The following RFXANK variants were observed in gnomAD, a reference collection of about 807,000 sequenced individuals.
RFXANK encodes regulatory factor X associated ankyrin containing protein, also known as DNA-binding protein RFXANK.
RFXANK carries 19 observed loss-of-function variants against 34.5 expected under a neutral mutation model. That is an observed-to-expected ratio of 0.55 (90% CI 0.38 to 0.81). The LOEUF is 0.81. RFXANK is among the 30% of genes least tolerant of loss of function. The pLI is 0.00. For missense variants in RFXANK, 295 were observed against 343.5 expected (o/e 0.86, Z 1.12); for synonymous variants, 154 against 149.8 (o/e 1.03, Z -0.20).
rs773172279 is a variant in RFXANK at position 19,199,266 on chromosome 19, G to C, written c.712+32G>C. On this transcript the variant is annotated intron_variant, in intron 9 of 9. Coordinates refer to ENST00000303088, the MANE Select transcript of RFXANK (RefSeq NM_003721.4). ...CTGAGACACACAGAGCAGGGGTGGG[G>C]TCCCTTCCATAGGCAGGGTGACCAT... 1.9e-6 allele frequency: 3 copies of C among 1,607,150 alleles called. No homozygotes were observed. The South Asian group carries it at 3.3e-5, about 18-fold the overall frequency.
chr19:19,199,989 C>CG (rs1475223964), intron 9 of RFXANK, among the ~76,000 whole-genome samples: 2 of 151,926 alleles, frequency 1.3e-5, no homozygotes, highest in Non-Finnish European at 2.9e-5. Context: ...CTCATGTTTT[C>CG]GGGGGGTTTG....
At chr19:19,198,850 C>T (rs1349312308) in intron 8 of RFXANK, 127 bp downstream of exon 8, 2 of 977,528 alleles carry the variant, frequency 2.0e-6, no homozygotes, top group South Asian at 2.6e-5. Context: ...CCTGCCTGCT[C>T]TTCTCGGAGG....
intron 9 of RFXANK, among the ~76,000 whole-genome samples, chr19:19,201,257 T>G (rs1013241067): frequency 6.6e-6 from 1 of 152,164 alleles, no homozygotes; most frequent in African/African-American, 2.4e-5. Context: ...TAAATTTTTT[T>G]GGTAGAGACA....
chr19:19,197,700 G>A, intron 6 of RFXANK, 79 bp downstream of exon 6: 1 of 1,319,974 alleles, frequency 7.6e-7, no homozygotes, highest in Non-Finnish European at 1.1e-6. Flanking sequence ...GTGTCTGCTG[G>A]CGCCTTGTCT....
intron 9 of RFXANK, among the ~76,000 whole-genome samples, chr19:19,200,476 GTGT>G (rs549623416): frequency 2.6e-5 from 4 of 151,380 alleles, no homozygotes; most frequent in South Asian, 2.1e-4. Flanking sequence ...ACGCCTGGCT[GTGT>G]TGTTGTTTTT....
In RFXANK at chr19:19,197,049, G is replaced by C; in HGVS notation, c.271+3G>C. 1 of 1,613,596 alleles carries C rather than the reference G, an allele frequency of 6.2e-7. No homozygotes were observed. Among genetic ancestry groups the C allele is most frequent in the South Asian group, 1.1e-5 (1 of 91,082 alleles). On this transcript the variant is annotated splice_donor_region_variant and intron_variant, in intron 4 of 9. Transcript: ENST00000303088. ...AGCTCTGCCGGCCACCCTAGACTGT[G>C]AGTGGGCCCACGGTCCCCAACAAGG...
chr19:19,201,681 C>G lies in RFXANK; in HGVS notation c.745C>G (p.Leu249Val), dbSNP rs377064458. The change falls in exon 10 of 10, where the codon CTC becomes GTC. Residue 249 changes from leucine (L) to valine (V), a missense_variant. Coordinates refer to ENST00000303088, the MANE Select transcript of RFXANK (RefSeq NM_003721.4). ...QQVIENHILK[L>V]FQSNLVPADP... ...GGTGATCGAGAACCACATCCTCAAG[C>G]TCTTCCAGAGCAACCTGGTGCCCGC... 2.4e-5 allele frequency: 38 copies of G among 1,614,042 alleles called. No individual in the cohort carries two copies. In the African/African-American group the frequency reaches 5.1e-4, roughly 22 times the overall value.
At chr19:19,200,175 C>CTTTTT (rs978912398) in intron 9 of RFXANK, among the ~76,000 whole-genome samples, 2 of 120,408 alleles carry the variant, frequency 1.7e-5, no homozygotes, top group African/African-American at 3.1e-5. Context: ...TTTGTTGTTG[C>CTTTTT]TTTTTTTTTT....
chr19:19,194,526 G>T (rs1056886614), intron 3 of RFXANK, among the ~76,000 whole-genome samples: 1 of 152,136 alleles, frequency 6.6e-6, no homozygotes, highest in African/African-American at 2.4e-5. Flanking sequence ...ATGAGCCACT[G>T]TGCCCGGCCT....
intron 9 of RFXANK, 31 bp from the exon 10 acceptor site, chr19:19,201,618 C>A: frequency 1.9e-6 from 3 of 1,613,898 alleles, no homozygotes; most frequent in Non-Finnish European, 2.5e-6. Context: ...GATTCAAGCT[C>A]ACAGCCCACC....
At position 19,200,418 on chromosome 19, in the gene RFXANK, C is replaced by T. The variant is rs986437315; in HGVS notation, c.712+1184C>T. Reference sequence around the variant, plus strand: ...GTCTTGAACTCCTGACCTTGTGATCCGCCTGTGTTGGCCTCCCAAAGTGCT... The same window carrying T: ...GTCTTGAACTCCTGACCTTGTGATCTGCCTGTGTTGGCCTCCCAAAGTGCT... On this transcript the variant is annotated intron_variant, in intron 9 of 9. Coordinates refer to ENST00000303088, the MANE Select transcript of RFXANK (RefSeq NM_003721.4). 9.2e-5 allele frequency among the ~76,000 whole-genome samples: 14 copies of T among 151,948 alleles called. No homozygotes were observed. In the South Asian group the frequency reaches 1.5e-3, roughly 16 times the overall value.
chr19:19,198,012 C>CG, intron 6 of RFXANK, 95 bp from the exon 7 acceptor site: 1 of 1,363,162 alleles, frequency 7.3e-7, no homozygotes, highest in East Asian at 2.5e-5. Flanking sequence ...ACTCTATCTC[C>CG]AAAAAAAAAA....
intron 9 of RFXANK, among the ~76,000 whole-genome samples, chr19:19,200,423 G>C (rs989380225): frequency 1.3e-5 from 2 of 151,970 alleles, no homozygotes; most frequent in African/African-American, 4.8e-5. Flanking sequence ...TGATCCGCCT[G>C]TGTTGGCCTC....
chr19:19,200,033 C>G (rs1393553123), intron 9 of RFXANK, among the ~76,000 whole-genome samples: 2 of 152,128 alleles, frequency 1.3e-5, no homozygotes, highest in Non-Finnish European at 2.9e-5. Context: ...CTTGCTCTAT[C>G]ACCCAGGCTG....
At position 19,192,306 on chromosome 19, in the gene RFXANK, C is replaced by G. The variant is rs1285038293; in HGVS notation, c.-398C>G. 4 of 734,036 alleles carry G rather than the reference C, an allele frequency of 5.4e-6. No individual in the cohort carries two copies. Among genetic ancestry groups the G allele is most frequent in the East Asian group, 5.6e-5 (2 of 35,684 alleles). The allele number at this position is 734,036 out of a possible 1,614,324, so 45.5% of individuals were successfully genotyped here. On this transcript the variant is annotated 5_prime_UTR_variant, in exon 1 of 10. Transcript: ENST00000303088. ...TGTGAGACGCAGGGAAGGAGGCACACCCGGGGGTGGCGCAGTGAGGAGGGG... is the reference window on the plus strand; with the variant it reads ...TGTGAGACGCAGGGAAGGAGGCACAGCCGGGGGTGGCGCAGTGAGGAGGGG...
chr19:19,195,094 G>C (rs1211140823), intron 3 of RFXANK, among the ~76,000 whole-genome samples: 1 of 143,660 alleles, frequency 7.0e-6, no homozygotes, highest in African/African-American at 2.6e-5. Flanking sequence ...CTGTCGCCCA[G>C]GCTGGAGTGC....
At chr19:19,199,662 G>A (rs1254272313) in intron 9 of RFXANK, among the ~76,000 whole-genome samples, 1 of 152,146 alleles carries the variant, frequency 6.6e-6, no homozygotes. Flanking sequence ...ATGGCATCCA[G>A]GTGGGAGGAG....
intron 3 of RFXANK, 26 bp from the exon 4 acceptor site, chr19:19,196,937 A>G: frequency 6.2e-7 from 1 of 1,603,736 alleles, no homozygotes; most frequent in Non-Finnish European, 8.5e-7. Context: ...CTGAGGGGAA[A>G]CTGACGCCTG....
chr19:19,201,703 C>T lies in RFXANK; in HGVS notation c.767C>T (p.Pro256Leu), dbSNP rs765477759. Residue 256 changes from proline to leucine, a missense_variant, in exon 10 of 10, where the codon CCC becomes CTC. Pro to Leu is a moderately conservative substitution (Grantham distance 98, BLOSUM62 -3). Coordinates refer to ENST00000303088, the MANE Select transcript of RFXANK (RefSeq NM_003721.4). ...AAGCTCTTCCAGAGCAACCTGGTGC[C>T]CGCTGACCCTGAGTGAAGGCCGCCT... Reference protein sequence around the residue: ...ILKLFQSNLVPADPE With the variant: ...ILKLFQSNLVLADPE 1.6e-5 allele frequency: 26 copies of T among 1,614,102 alleles called. 2 individuals are homozygous for T. In the South Asian group the frequency reaches 2.7e-4, roughly 17 times the overall value.
Sources: gnomAD v4.1 joint callset for allele counts (sites outside exome capture counted in the v4.1 genomes callset) on GRCh38, gnomAD v4.1.1 for gene constraint, MANE v1.5 for transcripts, NCBI Gene and HGNC (gene_info 2026-07-23, HGNC 2026-07-21) for gene names.